The following DOCK4 variants were observed in gnomAD, a reference collection of about 807,000 sequenced individuals.
DOCK4 encodes dedicator of cytokinesis protein 4.
In DOCK4, 97 loss-of-function variants were observed where a neutral mutation model predicts 268.1. That is an observed-to-expected ratio of 0.36 (90% CI 0.31 to 0.43). The LOEUF (loss-of-function observed/expected upper bound fraction) is 0.43, where lower values mean the gene tolerates loss of function less well. Among genes scored for constraint, DOCK4 ranks in the 20% least tolerant of loss-of-function variants. The pLI, the probability that DOCK4 is intolerant of heterozygous loss-of-function variation, is 1.00. For missense variants in DOCK4, 2,145 were observed against 2,455.7 expected (o/e 0.87, Z 2.67); for synonymous variants, 954 against 887.2 (o/e 1.08, Z -1.34).
At chr7:112,078,159 T>C (rs2135704729) in intron 1 of DOCK4, among the ~76,000 whole-genome samples, 1 of 152,300 alleles carries the variant, frequency 6.6e-6, no homozygotes, top group East Asian at 1.9e-4. Flanking sequence ...AACTATCAGG[T>C]GCATGAATAA....
intron 1 of DOCK4, among the ~76,000 whole-genome samples, chr7:112,189,443 TA>T (rs1339270038): frequency 1.3e-5 from 2 of 152,172 alleles, no homozygotes; most frequent in African/African-American, 4.8e-5. Flanking sequence ...GGCCAGAGGA[TA>T]TGACAAGCAG....
chr7:112,168,778 A>G (rs1043682477), intron 1 of DOCK4, among the ~76,000 whole-genome samples: 16 of 152,180 alleles, frequency 1.1e-4, no homozygotes, highest in Non-Finnish European at 5.9e-5. Context: ...GCTGATGAAG[A>G]GAATAATTTT....
chr7:111,929,778 G>A (rs1794046470), intron 12 of DOCK4, among the ~76,000 whole-genome samples: 1 of 152,172 alleles, frequency 6.6e-6, no homozygotes, highest in South Asian at 2.1e-4. Flanking sequence ...ACTCATCTAA[G>A]ATACAACAAA....
intron 30 of DOCK4, among the ~76,000 whole-genome samples, chr7:111,802,787 T>TA (rs1016523098): frequency 3.9e-5 from 6 of 152,118 alleles, no homozygotes; most frequent in East Asian, 1.9e-4. Context: ...AGAAAATAGT[T>TA]AAAAAAAATC....
Position 112,181,621 on chromosome 7 carries a change from C to A in DOCK4, c.37+24481G>T, listed in dbSNP as rs1586991469. Among the ~76,000 whole-genome samples the A allele has an allele frequency of 4.9e-5, 5 of 101,132 alleles. 1 individual carries two copies. In the South Asian group the frequency reaches 1.3e-3, roughly 27 times the overall value. 66.3% of individuals were successfully genotyped at this position (101,132 alleles called of 152,430 possible). A position where few individuals can be genotyped will look rare whatever the true frequency, so the allele number is the denominator to read the frequency against. On this transcript the variant is annotated intron_variant, in intron 1 of 52. Coordinates refer to ENST00000428084, the MANE Select transcript of DOCK4 (RefSeq NM_001363540.2). The stretch of plus-strand genomic sequence containing the variant: ...TGCCACTGCACTCCAGCCTGAGCAA[C>A]AGAGTAAGACACTGTCTCAAAAAAA...
At chr7:111,971,791 C>T in intron 8 of DOCK4, 1 of 302,268 alleles carries the variant, frequency 3.3e-6, no homozygotes. Flanking sequence ...GCACTTTCAG[C>T]CACTTACGGG....
At chr7:112,195,322 C>G (rs186662959) in intron 1 of DOCK4, among the ~76,000 whole-genome samples, 5 of 152,234 alleles carry the variant, frequency 3.3e-5, no homozygotes, top group African/African-American at 1.2e-4. Flanking sequence ...AGGGGCAAAC[C>G]TTTACTATGT....
At chr7:111,845,909 T>A (rs2134086849) in intron 24 of DOCK4, among the ~76,000 whole-genome samples, 1 of 152,294 alleles carries the variant, frequency 6.6e-6, no homozygotes, top group South Asian at 2.1e-4. Flanking sequence ...TTATATAATT[T>A]TATAGAGGCG....
At position 112,066,995 on chromosome 7, in the gene DOCK4, C is replaced by CAA. The variant is rs776060596; in HGVS notation, c.38-62866_38-62865dup. On this transcript the variant is annotated intron_variant, in intron 1 of 52. Transcript: ENST00000428084. ...CCCCGTCTCCACACACACACACACACAAAAAAACCAAACCAAACCAAACAA... is the reference window on the plus strand; with the variant it reads ...CCCCGTCTCCACACACACACACACACAAAAAAAAACCAAACCAAACCAAACAA... Among the ~76,000 whole-genome samples, 1,448 of 149,062 alleles carry CAA rather than the reference C, an allele frequency of 9.7e-3. 30 individuals are homozygous for CAA. The highest frequency in any genetic ancestry group is 0.033 in the African/African-American group (1,326 of 40,418).
intron 1 of DOCK4, among the ~76,000 whole-genome samples, chr7:112,147,200 T>C (rs1442543615): frequency 3.3e-5 from 5 of 152,218 alleles, no homozygotes; most frequent in Non-Finnish European, 7.4e-5. Context: ...ATTAGAAATA[T>C]ACACAGGTGA....
At chr7:112,078,175 T>C (rs1454067227) in intron 1 of DOCK4, among the ~76,000 whole-genome samples, 5 of 152,172 alleles carry the variant, frequency 3.3e-5, no homozygotes, top group Admixed American at 2.6e-4. Flanking sequence ...AATAAGATTT[T>C]ATCTCTCATG....
chr7:112,099,736 G>T (rs541868912), intron 1 of DOCK4, among the ~76,000 whole-genome samples: 2 of 152,258 alleles, frequency 1.3e-5, no homozygotes, highest in African/African-American at 4.8e-5. Context: ...TAAGAAAACA[G>T]ATGTAATTAG....
intron 1 of DOCK4, among the ~76,000 whole-genome samples, chr7:112,103,693 C>T (rs1246184770): frequency 6.6e-6 from 1 of 152,090 alleles, no homozygotes; most frequent in East Asian, 1.9e-4. Flanking sequence ...ACCAGCCTGG[C>T]AAACAGGGCG....
Position 111,900,495 on chromosome 7 carries a change from C to T in DOCK4, c.1359G>A (p.Glu453=), listed in dbSNP as rs897442605. ...TATGGTAAAGCACAAAGGAGTGGTACTCACTGGCTGGTGGCTCCCCAGAGC... is the reference window on the plus strand; with the variant it reads ...TATGGTAAAGCACAAAGGAGTGGTATTCACTGGCTGGTGGCTCCCCAGAGC... The part of the protein sequence containing the change: ...SFGSGEPPAS[E]YHSFVLYHNN... Residue 453 remains glutamate, a synonymous_variant, in exon 15 of 53, where the codon GAG becomes GAA. Transcript: ENST00000428084. 6.2e-7 allele frequency: 1 copy of T among 1,612,864 alleles called. No individual in the cohort carries two copies. The highest frequency in any genetic ancestry group is 8.5e-7 in the Non-Finnish European group (1 of 1,179,456).
At chr7:111,867,394 T>A (rs1024451544) in intron 22 of DOCK4, among the ~76,000 whole-genome samples, 3 of 152,116 alleles carry the variant, frequency 2.0e-5, no homozygotes, top group African/African-American at 7.2e-5. Context: ...ATATTCAGAA[T>A]TACCTCATGG....
At chr7:111,879,420 C>T (rs1290210945) in intron 16 of DOCK4, among the ~76,000 whole-genome samples, 1 of 152,086 alleles carries the variant, frequency 6.6e-6, no homozygotes. Flanking sequence ...TGAAAGACTC[C>T]TTCTGTTTGA....
At chr7:111,988,728 G>A (rs1245804831) in intron 6 of DOCK4, among the ~76,000 whole-genome samples, 1 of 152,102 alleles carries the variant, frequency 6.6e-6, no homozygotes, top group African/African-American at 2.4e-5. Flanking sequence ...TTAGTCAGAC[G>A]CCACATCTAG....
At chr7:112,168,757 C>T (rs375046113) in intron 1 of DOCK4, among the ~76,000 whole-genome samples, 3 of 152,088 alleles carry the variant, frequency 2.0e-5, no homozygotes, top group South Asian at 2.1e-4. Context: ...GTCAGGTGAA[C>T]GCTGACCATG....
intron 21 of DOCK4, 68 bp from the exon 22 acceptor site, chr7:111,868,222 G>A: frequency 8.1e-7 from 1 of 1,233,312 alleles, no homozygotes; most frequent in Non-Finnish European, 1.1e-6. Flanking sequence ...CAATGACACG[G>A]CATAAAAACC....
Sources: gnomAD v4.1 joint callset for allele counts (sites outside exome capture counted in the v4.1 genomes callset) on GRCh38, gnomAD v4.1.1 for gene constraint, MANE v1.5 for transcripts, NCBI Gene and HGNC (gene_info 2026-07-23, HGNC 2026-07-21) for gene names.